Variants in C2CD4C observed in about 807,000 individuals in gnomAD.
The protein encoded by C2CD4C is C2 calcium-dependent domain-containing protein 4C.
A neutral mutation model predicts 4.1 loss-of-function variants in C2CD4C; 3 were observed. The observed-to-expected ratio is 0.73, with a 90% confidence interval of 0.33 to 1.88. The LOEUF (loss-of-function observed/expected upper bound fraction) is 1.88, where lower values mean the gene tolerates loss of function less well. C2CD4C is among the 40% of genes most tolerant of loss of function. The pLI, the probability that C2CD4C is intolerant of heterozygous loss-of-function variation, is 0.08. For synonymous variants in C2CD4C, 364 were observed against 290.4 expected (o/e 1.25, Z -2.57); for missense variants, 664 against 621.5 (o/e 1.07, Z -0.73).
At position 408,023 on chromosome 19, in the gene C2CD4C, C is replaced by T. The variant is rs532609442; in HGVS notation, c.339G>A (p.Gln113=). The part of the protein sequence containing the change: ...LLKAATRHVI[Q]IESAEDWLSE... ...ACAGCCAGTCCTCGGCACTCTCGAT[C>T]TGGATCACGTGCCGGGTGGCTGCCT... Residue 113 remains glutamine (Q), a synonymous_variant, in exon 2 of 2, where the codon CAG becomes CAA. Coordinates refer to ENST00000332235, the MANE Select transcript of C2CD4C (RefSeq NM_001136263.2). The T allele has an allele frequency of 6.5e-7, 1 of 1,547,604 alleles. No individual in the cohort carries two copies. Among genetic ancestry groups the T allele is most frequent in the East Asian group, 2.4e-5 (1 of 40,858 alleles).
chr19:407,848 C>T lies in C2CD4C; in HGVS notation c.514G>A (p.Ala172Thr). ...KESLFHSEHG[A>T]LAQVGSPGAG... is the part of the protein sequence containing the mutation. ...CCTGGGGAGCCCACCTGGGCCAGAG[C>T]CCCGTGCTCACTGTGGAACAGAGAC... The change falls in exon 2 of 2, where the codon GCT (alanine) becomes ACT (threonine). Residue 172 changes from alanine to threonine, a missense_variant. By Grantham distance (58) the Ala-to-Thr change is moderately conservative. Transcript: ENST00000332235. 6.5e-7 allele frequency: 1 copy of T among 1,547,752 alleles called. No homozygotes were observed. The highest frequency in any genetic ancestry group is 8.7e-7 in the Non-Finnish European group (1 of 1,145,756).
chr19:406,328 G>A lies in C2CD4C; in HGVS notation c.*768C>T, dbSNP rs1973986163. The A allele has an allele frequency of 6.6e-6, 1 of 152,320 alleles. No homozygotes were observed. The highest frequency in any genetic ancestry group is 3.1e-3 in the Middle Eastern group (1 of 318). 9.4% of individuals were successfully genotyped at this position (152,320 alleles called of 1,614,324 possible). ...GACCCTCCGGCGCCACAGCAGAAATGGCCAGACGGGCCTGTACCCAAAAAG... is the reference window on the plus strand; with the variant it reads ...GACCCTCCGGCGCCACAGCAGAAATAGCCAGACGGGCCTGTACCCAAAAAG... On this transcript the variant is annotated 3_prime_UTR_variant, in exon 2 of 2. Transcript: ENST00000332235.
rs529123054 is a variant in C2CD4C, at chr19:407,012, C to T, written c.*84G>A. The T allele has an allele frequency of 2.1e-3, 2,650 of 1,280,466 alleles. 9 individuals carry two copies. Among genetic ancestry groups the T allele is most frequent in the Admixed American group, 2.4e-3 (89 of 37,756 alleles). The allele number at this position is 1,280,466 out of a possible 1,614,324, so 79.3% of individuals were successfully genotyped here. A position where few individuals can be genotyped will look rare whatever the true frequency, so the allele number is the denominator to read the frequency against. On this transcript the variant is annotated 3_prime_UTR_variant, in exon 2 of 2. Transcript: ENST00000332235. ...CCCGGCCAGCCCCAGCCCAAGCCAGCGGACCCGCCCGCCAGCACCCGGTGT... is the reference window on the plus strand; with the variant it reads ...CCCGGCCAGCCCCAGCCCAAGCCAGTGGACCCGCCCGCCAGCACCCGGTGT...
chr19:408,523 T>G (rs1974037541), intron 1 of C2CD4C, 122 bp from the exon 2 acceptor site: 25 of 615,572 alleles, frequency 4.1e-5, no homozygotes, highest in Admixed American at 7.2e-5. Flanking sequence ...AGGGGTCCCC[T>G]GGGGGCGTCC....
rs886313407 is a variant in C2CD4C, at chr19:407,821, C to G, written c.541G>C (p.Ala181Pro). 3.6e-5 allele frequency: 55 copies of G among 1,541,534 alleles called. No homozygotes were observed. Among genetic ancestry groups the G allele is most frequent in the Admixed American group, 2.2e-4 (11 of 49,824 alleles). Residue 181 changes from alanine (A) to proline (P), a missense_variant, in exon 2 of 2, where the codon GCC becomes CCC. Coordinates refer to ENST00000332235, the MANE Select transcript of C2CD4C (RefSeq NM_001136263.2). ...GALAQVGSPG[A>P]GRRRAAAKAN... ...TTGGCAGCTGCCCGGCGGCGCCCGG[C>G]CCCTGGGGAGCCCACCTGGGCCAGA... is the stretch of plus-strand genomic sequence containing the variant.
chr19:408,953 G>A (rs1254189726), intron 1 of C2CD4C, 53 bp downstream of exon 1: 1 of 151,988 alleles, frequency 6.6e-6, no homozygotes, highest in African/African-American at 2.4e-5. Flanking sequence ...CGCTTGGGGT[G>A]GGGGGTGGGG....
chr19:407,153 C>T lies in C2CD4C; in HGVS notation c.1209G>A (p.Arg403=). Reference sequence around the variant, plus strand: ...GCTCCTTCTCCCCGAGCAGCGTGTCCCGCTTGAGGCTGCTGCCCTTGTTCA... The same window carrying T: ...GCTCCTTCTCCCCGAGCAGCGTGTCTCGCTTGAGGCTGCTGCCCTTGTTCA... ...KVVNKGSSLK[R]DTLLGEKELP... Residue 403 remains arginine (R), a synonymous_variant, in exon 2 of 2, where the codon CGG becomes CGA. Coordinates refer to ENST00000332235, the MANE Select transcript of C2CD4C (RefSeq NM_001136263.2). The T allele has an allele frequency of 6.5e-7, 1 of 1,550,188 alleles. No individual in the cohort carries two copies. Among genetic ancestry groups the T allele is most frequent in the Non-Finnish European group, 8.7e-7 (1 of 1,146,856 alleles).
rs1974047763 is a variant in C2CD4C at position 409,111 on chromosome 19, T to C, written c.-146A>G. 6.6e-6 allele frequency: 1 copy of C among 152,320 alleles called. No homozygotes were observed. The highest frequency in any genetic ancestry group is 6.6e-5 in the Admixed American group (1 of 15,166). The allele number at this position is 152,320 out of a possible 1,614,324, so 9.4% of individuals were successfully genotyped here. ...GCGGGGGACGCGGCCGGAGCTTCGA[T>C]GCGGGCGGCGGCGGCGGCGGCAGCG... On this transcript the variant is annotated 5_prime_UTR_variant, in exon 1 of 2. Coordinates refer to ENST00000332235, the MANE Select transcript of C2CD4C (RefSeq NM_001136263.2).
intron 1 of C2CD4C, among the ~76,000 whole-genome samples, chr19:408,704 T>C (rs962040613): frequency 6.6e-6 from 1 of 152,152 alleles, no homozygotes; most frequent in Non-Finnish European, 1.5e-5. Context: ...ACTCTGGTTT[T>C]GAGCATCTCA....
chr19:408,199 TG>T lies in C2CD4C; in HGVS notation c.162del (p.Lys55SerfsTer50), dbSNP rs781343562. On this transcript the variant is annotated frameshift_variant, in exon 2 of 2. Coordinates refer to ENST00000332235, the MANE Select transcript of C2CD4C (RefSeq NM_001136263.2). LOFTEE classifies it low-confidence loss of function (END_TRUNC). ...CCCTCCGCGGGGCCCGAGGGCAGCTTGGGGGGGATGAAAAAGTCGGGGATCT... is the reference window on the plus strand; with the variant it reads ...CCCTCCGCGGGGCCCGAGGGCAGCTTGGGGGGATGAAAAAGTCGGGGATCT... ...PDKIPDFFIP[P>X]KLPSGPAEGE... is the part of the protein sequence containing the mutation. The T allele has an allele frequency of 6.2e-6, 9 of 1,458,940 alleles. No homozygotes were observed. In the African/African-American group the frequency reaches 7.3e-5, roughly 12 times the overall value. The allele number at this position is 1,458,940 out of a possible 1,614,324, so 90.4% of individuals were successfully genotyped here. A position where few individuals can be genotyped will look rare whatever the true frequency, so the allele number is the denominator to read the frequency against.
chr19:408,278 C>G lies in C2CD4C; in HGVS notation c.84G>C (p.Ala28=), dbSNP rs1274593767. 1.3e-6 allele frequency: 2 copies of G among 1,519,588 alleles called. No homozygotes were observed. The highest frequency in any genetic ancestry group is 2.5e-5 in the East Asian group (1 of 40,176). The allele number at this position is 1,519,588 out of a possible 1,614,324, so 94.1% of individuals were successfully genotyped here. A position where few individuals can be genotyped will look rare whatever the true frequency, so the allele number is the denominator to read the frequency against. The part of the protein sequence containing the change: ...NGAARGVGSE[A]GDKASKGPLY... ...GGGGCCCCTTGGAGGCCTTGTCCCC[C>G]GCCTCACTCCCCACGCCCCGGGCAG... The change falls in exon 2 of 2, where the codon GCG becomes GCC. Residue 28 remains alanine (A), a synonymous_variant. Transcript: ENST00000332235.
Position 405,563 on chromosome 19 carries a change from G to A in C2CD4C, c.*1533C>T, listed in dbSNP as rs560436352. The A allele has an allele frequency of 6.6e-6, 1 of 152,172 alleles. No homozygotes were observed. The highest frequency in any genetic ancestry group is 1.9e-4 in the East Asian group (1 of 5,196). 9.4% of individuals were successfully genotyped at this position (152,172 alleles called of 1,614,324 possible). A position where few individuals can be genotyped will look rare whatever the true frequency, so the allele number is the denominator to read the frequency against. ...ACTAAGATATCAAAGAGTGCAGGGG[G>A]GCTACTAAACGGGGGACCCCAGGGA... On this transcript the variant is annotated 3_prime_UTR_variant, in exon 2 of 2. Transcript: ENST00000332235.
At position 407,398 on chromosome 19, in the gene C2CD4C, G is replaced by A. The variant is rs1384636060; in HGVS notation, c.964C>T (p.Leu322=). 5 of 1,535,740 alleles carry A rather than the reference G, an allele frequency of 3.3e-6. No homozygotes were observed. The highest frequency in any genetic ancestry group is 2.0e-5 in the Admixed American group (1 of 50,770). ...TCGGCGGCCAGCAGGTGCACCCGCA[G>A]GCGGGCCTGGCCGGCCTCGTACTCG... is the stretch of plus-strand genomic sequence containing the variant. ...LAEYEAGQAR[L]RVHLLAAEGL... Residue 322 remains leucine (L), a synonymous_variant, in exon 2 of 2, where the codon CTG becomes TTG. Transcript: ENST00000332235.
At position 408,078 on chromosome 19, in the gene C2CD4C, TTGGCAGGCAGCCGGGG is replaced by T; in HGVS notation, c.268_283del (p.Pro90SerfsTer10). 2 of 1,504,090 alleles carry T rather than the reference TTGGCAGGCAGCCGGGG, an allele frequency of 1.3e-6. No homozygotes were observed. The highest frequency in any genetic ancestry group is 8.9e-7 in the Non-Finnish European group (1 of 1,128,906). 93.2% of individuals were successfully genotyped at this position (1,504,090 alleles called of 1,614,324 possible). A position where few individuals can be genotyped will look rare whatever the true frequency, so the allele number is the denominator to read the frequency against. The stretch of plus-strand genomic sequence containing the variant: ...CAGGCTCTTGCTCTCGGCTGCCAGC[TTGGCAGGCAGCCGGGG>T]GCTCCGTGGGGTCTGGCGGGGGGCC... On this transcript the variant is annotated frameshift_variant, in exon 2 of 2. Coordinates refer to ENST00000332235, the MANE Select transcript of C2CD4C (RefSeq NM_001136263.2). LOFTEE classifies it low-confidence loss of function (END_TRUNC).
Position 405,564 on chromosome 19 carries a change from G to C in C2CD4C, c.*1532C>G, listed in dbSNP as rs911473283. On this transcript the variant is annotated 3_prime_UTR_variant, in exon 2 of 2. Coordinates refer to ENST00000332235, the MANE Select transcript of C2CD4C (RefSeq NM_001136263.2). Reference sequence around the variant, plus strand: ...CTAAGATATCAAAGAGTGCAGGGGGGCTACTAAACGGGGGACCCCAGGGAG... The same window carrying C: ...CTAAGATATCAAAGAGTGCAGGGGGCCTACTAAACGGGGGACCCCAGGGAG... 6.6e-6 allele frequency: 1 copy of C among 152,208 alleles called. No homozygotes were observed. Among genetic ancestry groups the C allele is most frequent in the African/African-American group, 2.4e-5 (1 of 41,406 alleles). The allele number at this position is 152,208 out of a possible 1,614,324, so 9.4% of individuals were successfully genotyped here.
chr19:407,364 T>C lies in C2CD4C; in HGVS notation c.998A>G (p.Tyr333Cys). ...GCTGCGGGCGTCGCACAGGCGGTCG[T>C]AGAGGCCCTCGGCGGCCAGCAGGTG... ...RVHLLAAEGL[Y>C]DRLCDARSIN... Residue 333 changes from tyrosine (Y) to cysteine (C), a missense_variant, in exon 2 of 2, where the codon TAC becomes TGC. Coordinates refer to ENST00000332235, the MANE Select transcript of C2CD4C (RefSeq NM_001136263.2). 1 of 1,543,600 alleles carries C rather than the reference T, an allele frequency of 6.5e-7. No homozygotes were observed. The highest frequency in any genetic ancestry group is 8.7e-7 in the Non-Finnish European group (1 of 1,146,338).
chr19:407,976 TCG>T lies in C2CD4C; in HGVS notation c.384_385del (p.Asp129ProfsTer26). On this transcript the variant is annotated frameshift_variant, in exon 2 of 2. Coordinates refer to ENST00000332235, the MANE Select transcript of C2CD4C (RefSeq NM_001136263.2). LOFTEE classifies it low-confidence loss of function (END_TRUNC). ...GGACATGGCACCCTGGGCCTGGGGGTCGGCGTCAGTGGCCTCCTCGGACAGCC... is the reference window on the plus strand; with the variant it reads ...GGACATGGCACCCTGGGCCTGGGGGTGCGTCAGTGGCCTCCTCGGACAGCC... 1 of 1,548,600 alleles carries T rather than the reference TCG, an allele frequency of 6.5e-7. No individual in the cohort carries two copies. The highest frequency in any genetic ancestry group is 8.7e-7 in the Non-Finnish European group (1 of 1,146,352).
rs753016410 is a variant in C2CD4C at position 407,216 on chromosome 19, G to C, written c.1146C>G (p.Pro382=). ...NEDFFFDGLG[P]ASVRKLALRI... Reference sequence around the variant, plus strand: ...TGAGGGCCAGTTTCCGGACGCTGGCGGGCCCCAGGCCGTCGAAGAAGAAAT... The same window carrying C: ...TGAGGGCCAGTTTCCGGACGCTGGCCGGCCCCAGGCCGTCGAAGAAGAAAT... Residue 382 remains proline (P), a synonymous_variant, in exon 2 of 2, where the codon CCC becomes CCG. Transcript: ENST00000332235. The C allele has an allele frequency of 1.9e-6, 3 of 1,550,242 alleles. No individual in the cohort carries two copies. Among genetic ancestry groups the C allele is most frequent in the Non-Finnish European group, 2.6e-6 (3 of 1,146,872 alleles).
At position 407,648 on chromosome 19, in the gene C2CD4C, C is replaced by T. The variant is rs1974013260; in HGVS notation, c.714G>A (p.Leu238=). ...GSPLLSRSVS[L]LKGFAQDSQA... is the part of the protein sequence containing the mutation. ...GGCTGTCCTGGGCGAAACCTTTGAGCAGAGACACGGAGCGGGACAGCAGAG... is the reference window on the plus strand; with the variant it reads ...GGCTGTCCTGGGCGAAACCTTTGAGTAGAGACACGGAGCGGGACAGCAGAG... The change falls in exon 2 of 2, where the codon CTG becomes CTA. Residue 238 remains leucine (L), a synonymous_variant. Coordinates refer to ENST00000332235, the MANE Select transcript of C2CD4C (RefSeq NM_001136263.2). 2 of 1,498,580 alleles carry T rather than the reference C, an allele frequency of 1.3e-6. No homozygotes were observed. Among genetic ancestry groups the T allele is most frequent in the Non-Finnish European group, 1.8e-6 (2 of 1,123,980 alleles). 92.8% of individuals were successfully genotyped at this position (1,498,580 alleles called of 1,614,324 possible). A position where few individuals can be genotyped will look rare whatever the true frequency, so the allele number is the denominator to read the frequency against.
Sources: gnomAD v4.1 joint callset for allele counts (sites outside exome capture counted in the v4.1 genomes callset) on GRCh38, gnomAD v4.1.1 for gene constraint, MANE v1.5 for transcripts, NCBI Gene and HGNC (gene_info 2026-07-23, HGNC 2026-07-21) for gene names.